ADAM10: variants seen among roughly 807,000 people sequenced by gnomAD.
ADAM10 encodes disintegrin and metalloproteinase domain-containing protein 10.
In ADAM10, 17 loss-of-function variants were observed where a neutral mutation model predicts 90.1. The ratio of observed to expected loss-of-function variants is 0.19; its 90% CI spans 0.13 to 0.28. The LOEUF is 0.28. Ranked by LOEUF, ADAM10 falls within the 10% of genes least tolerant of loss-of-function variation. ADAM10 has a pLI of 1.00. For synonymous variants in ADAM10, 310 were observed against 298.6 expected (o/e 1.04, Z -0.40); for missense variants, 610 against 914.3 (o/e 0.67, Z 4.29).
intron 7 of ADAM10, among the ~76,000 whole-genome samples, 170 bp downstream of exon 7, chr15:58,643,716 T>G (rs1217791648): frequency 1.3e-5 from 2 of 152,202 alleles, no homozygotes; most frequent in African/African-American, 4.8e-5. Flanking sequence ...AGTATCTGTG[T>G]GTGTGTGGGT....
chr15:58,657,887 TG>T (rs1260319134), intron 5 of ADAM10, among the ~76,000 whole-genome samples: 1 of 144,974 alleles, frequency 6.9e-6, no homozygotes, highest in Non-Finnish European at 1.5e-5. Flanking sequence ...TTGGGGTTTG[TG>T]TTTTTTTTTT....
chr15:58,726,764 G>C (rs1458292899), intron 1 of ADAM10, among the ~76,000 whole-genome samples: 1 of 151,434 alleles, frequency 6.6e-6, no homozygotes, highest in East Asian at 1.9e-4. Context: ...ACTCAGGAGA[G>C]TGAGGTGGGA....
At chr15:58,649,040 G>T (rs1421343690) in intron 5 of ADAM10, among the ~76,000 whole-genome samples, 2 of 151,950 alleles carry the variant, frequency 1.3e-5, no homozygotes, top group Admixed American at 1.3e-4. Flanking sequence ...TTTAATCGGT[G>T]CATTTAATCC....
At chr15:58,704,604 T>TA (rs1212580402) in intron 2 of ADAM10, among the ~76,000 whole-genome samples, 2 of 152,194 alleles carry the variant, frequency 1.3e-5, no homozygotes, top group East Asian at 3.8e-4. Context: ...AGCTGGGGTA[T>TA]AAAATCAAAT....
chr15:58,722,396 A>G (rs535799725), intron 1 of ADAM10, among the ~76,000 whole-genome samples: 1 of 151,850 alleles, frequency 6.6e-6, no homozygotes, highest in East Asian at 1.9e-4. Context: ...AAAACTAGCC[A>G]GGAATGATGG....
chr15:58,731,387 G>A (rs1272380388), intron 1 of ADAM10, among the ~76,000 whole-genome samples: 1 of 152,096 alleles, frequency 6.6e-6, no homozygotes, highest in African/African-American at 2.4e-5. Flanking sequence ...GGGGGGCCGA[G>A]GCGGGCAGAT....
Position 58,633,279 on chromosome 15 carries a change from C to T in ADAM10, c.1093G>A (p.Val365Ile). Residue 365 changes from valine (V) to isoleucine (I), a missense_variant, in exon 9 of 16, where the codon GTT (valine) becomes ATT (isoleucine). Transcript: ENST00000260408. ...GGTACATGAGACCCATAGTTCTGAACAGTAATAATTCCAGTGTTTAAGGAC... is the reference window on the plus strand; with the variant it reads ...GGTACATGAGACCCATAGTTCTGAATAGTAATAATTCCAGTGTTTAAGGAC... The part of the protein sequence containing the change: ...KKSLNTGIIT[V>I]QNYGSHVPPK... The T allele has an allele frequency of 1.2e-6, 2 of 1,613,094 alleles. No individual in the cohort carries two copies. The highest frequency in any genetic ancestry group is 2.2e-5 in the East Asian group (1 of 44,772).
At chr15:58,716,675 T>G (rs1898669798) in intron 2 of ADAM10, among the ~76,000 whole-genome samples, 1 of 152,074 alleles carries the variant, frequency 6.6e-6, no homozygotes, top group Non-Finnish European at 1.5e-5. Context: ...TAAGCTGACA[T>G]GAAAAAAGAA....
chr15:58,693,093 G>T (rs973278892), intron 2 of ADAM10: 10 of 745,572 alleles, frequency 1.3e-5, no homozygotes, highest in Non-Finnish European at 2.5e-6. Flanking sequence ...AAATCTCCTT[G>T]TTGGAATAGA....
At chr15:58,626,768 A>G (rs1412858992) in intron 10 of ADAM10, among the ~76,000 whole-genome samples, 1 of 152,202 alleles carries the variant, frequency 6.6e-6, no homozygotes, top group Non-Finnish European at 1.5e-5. Context: ...CAATTCATAA[A>G]GACAGAAAGT....
intron 2 of ADAM10, 139 bp downstream of exon 2, chr15:58,717,438 T>C (rs1898698540): frequency 1.0e-6 from 1 of 984,846 alleles, no homozygotes; most frequent in African/African-American, 1.6e-5. Flanking sequence ...TTTTAATGCA[T>C]ATACCAAATT....
chr15:58,611,777 TA>T, intron 12 of ADAM10, 30 bp downstream of exon 12: 1 of 1,605,270 alleles, frequency 6.2e-7, no homozygotes. Flanking sequence ...TTTCTAAAAT[TA>T]AATTTTAAAA....
At chr15:58,603,931 C>G (rs937246559) in intron 14 of ADAM10, among the ~76,000 whole-genome samples, 2 of 126,254 alleles carry the variant, frequency 1.6e-5, no homozygotes, top group Non-Finnish European at 3.5e-5. Flanking sequence ...ACTTTGTCAA[C>G]TAAAAAAAGA....
intron 14 of ADAM10, among the ~76,000 whole-genome samples, chr15:58,603,248 AC>A (rs1193038512): frequency 6.6e-6 from 1 of 152,200 alleles, no homozygotes. Flanking sequence ...CAAATAACAG[AC>A]CTGCTACTTA....
At chr15:58,706,801 G>A (rs1392126724) in intron 2 of ADAM10, among the ~76,000 whole-genome samples, 1 of 152,106 alleles carries the variant, frequency 6.6e-6, no homozygotes, top group African/African-American at 2.4e-5. Context: ...ACGAGGTCAA[G>A]AGTTTGAGAC....
chr15:58,722,572 A>C (rs1217004910), intron 1 of ADAM10, among the ~76,000 whole-genome samples: 1 of 151,504 alleles, frequency 6.6e-6, no homozygotes, highest in Admixed American at 6.6e-5. Flanking sequence ...CAAATAAAAA[A>C]AGATAAGCAA....
intron 1 of ADAM10, chr15:58,732,545 T>C (rs184559762): frequency 3.3e-5 from 5 of 151,738 alleles, no homozygotes; most frequent in Non-Finnish European, 5.9e-5. Context: ...CCGTCTCTAC[T>C]AAAAATACAA....
chr15:58,593,008 A>C lies in ADAM10; in HGVS notation c.*4539T>G, dbSNP rs1894857401. Reference sequence around the variant, plus strand: ...AATTGGTTAAGAAAAAAAAAAACATACATCCACAGAAATATTTAGAGTAGT... The same window carrying C: ...AATTGGTTAAGAAAAAAAAAAACATCCATCCACAGAAATATTTAGAGTAGT... On this transcript the variant is annotated 3_prime_UTR_variant, in exon 16 of 16. Transcript: ENST00000260408. 1 of 150,212 alleles carries C rather than the reference A, an allele frequency of 6.7e-6. No homozygotes were observed. The highest frequency in any genetic ancestry group is 1.5e-5 in the Non-Finnish European group (1 of 67,484). 9.3% of individuals were successfully genotyped at this position (150,212 alleles called of 1,614,324 possible).
At chr15:58,655,871 T>C (rs1361665111) in intron 5 of ADAM10, among the ~76,000 whole-genome samples, 1 of 148,140 alleles carries the variant, frequency 6.8e-6, no homozygotes, top group Non-Finnish European at 1.5e-5. Flanking sequence ...CTCAGCCTCC[T>C]GAGTAGCTGG....
Sources: allele counts gnomAD v4.1 joint callset (sites outside exome capture counted in the v4.1 genomes callset), GRCh38; gene constraint gnomAD v4.1.1; transcripts MANE v1.5; gene names NCBI Gene and HGNC (gene_info 2026-07-23, HGNC 2026-07-21).